SLC9A3: variants seen among roughly 807,000 people sequenced by gnomAD.
SLC9A3 encodes the protein solute carrier family 9 member A3.
Under a neutral mutation model 86.8 loss-of-function variants are expected in SLC9A3, and 37 were observed. The observed-to-expected ratio is 0.43, with a 90% CI of 0.33 to 0.56. The LOEUF (loss-of-function observed/expected upper bound fraction) is 0.56. Ranked by LOEUF, SLC9A3 falls within the 20% of genes least tolerant of loss-of-function variation. SLC9A3 has a pLI of 0.06. For synonymous variants in SLC9A3, 581 were observed against 528.3 expected, an observed-to-expected ratio of 1.10 and a Z score of -1.37; for missense variants, 1,011 against 1,171.9, an observed-to-expected ratio of 0.86 and a Z score of 2.00.
At chr5:523,990 A>C in intron 1 of SLC9A3, 122 bp downstream of exon 1, 3 of 515,250 alleles carry the variant, frequency 5.8e-6, no homozygotes, top group Admixed American at 4.4e-5. Context: ...CGAGAGCCGG[A>C]CTCTCCCGGG....
chr5:472,874 T>C lies in SLC9A3; in HGVS notation c.*505A>G. ...GAACCTTGGGCTGGTTTCACGCAAA[T>C]CCGTTTGGGGCGAGCCTCGGTTTCC... On this transcript the variant is annotated 3_prime_UTR_variant, in exon 17 of 17. Transcript: ENST00000264938. 1 of 510,392 alleles carries C rather than the reference T, an allele frequency of 2.0e-6. No individual in the cohort carries two copies. Among genetic ancestry groups the C allele is most frequent in the Non-Finnish European group, 3.7e-6 (1 of 271,674 alleles). The allele number at this position is 510,392 out of a possible 1,614,324, so 31.6% of individuals were successfully genotyped here.
At chr5:492,860 T>C (rs10475269) in intron 1 of SLC9A3, among the ~76,000 whole-genome samples, 98,190 of 152,072 alleles carry the variant, frequency 0.65, 33,401 homozygotes, top group Non-Finnish European at 0.77. Context: ...TGTGGCCCCC[T>C]CTCCTCGTGC....
intron 10 of SLC9A3, 72 bp from the exon 11 acceptor site, chr5:477,516 G>T: frequency 8.5e-7 from 1 of 1,177,344 alleles, no homozygotes; most frequent in Non-Finnish European, 1.2e-6. Flanking sequence ...TGTGCCCTGG[G>T]GGGAAGCGCC....
Position 473,189 on chromosome 5 carries a change from C to A in SLC9A3, c.*190G>T, listed in dbSNP as rs1414310532. On this transcript the variant is annotated 3_prime_UTR_variant, in exon 17 of 17. Coordinates refer to ENST00000264938, the MANE Select transcript of SLC9A3 (RefSeq NM_004174.4). ...GCCCCGCCCCCGGCTCGCCCTCGGG[C>A]GGCTCTGCGGGCGCAGGCGCGGCAC... 2.3e-5 allele frequency: 13 copies of A among 556,688 alleles called. No individual in the cohort carries two copies. Among genetic ancestry groups the A allele is most frequent in the Non-Finnish European group, 3.4e-5 (13 of 380,480 alleles). 34.5% of individuals were successfully genotyped at this position (556,688 alleles called of 1,614,324 possible).
Position 482,245 on chromosome 5 carries a change from C to T in SLC9A3, c.1357-88G>A, listed in dbSNP as rs1739237303. ...AGGTGCACCACACAGAGCCACCTGC[C>T]CCGGGGCCCACAGGCGCCCTCCCTG... On this transcript the variant is annotated intron_variant, in intron 7 of 16. Coordinates refer to ENST00000264938, the MANE Select transcript of SLC9A3 (RefSeq NM_004174.4). 12 of 1,048,152 alleles carry T rather than the reference C, an allele frequency of 1.1e-5. No homozygotes were observed. In the South Asian group the frequency reaches 1.4e-4, roughly 12 times the overall value. 64.9% of individuals were successfully genotyped at this position (1,048,152 alleles called of 1,614,324 possible).
intron 6 of SLC9A3, 109 bp from the exon 7 acceptor site, chr5:482,859 A>G (rs1739279399): frequency 1.3e-5 from 11 of 839,736 alleles, no homozygotes; most frequent in Non-Finnish European, 2.0e-5. Flanking sequence ...GACGAAGAAC[A>G]GCGGCACCCT....
intron 1 of SLC9A3, among the ~76,000 whole-genome samples, chr5:504,598 C>T (rs988863709): frequency 6.6e-6 from 1 of 151,378 alleles, no homozygotes; most frequent in African/African-American, 2.5e-5. Flanking sequence ...CCTCCTGTCA[C>T]CCCCGGGTGA....
chr5:482,236 G>GCCACC, intron 7 of SLC9A3, 79 bp from the exon 8 acceptor site: 1 of 1,128,364 alleles, frequency 8.9e-7, no homozygotes, highest in Non-Finnish European at 1.3e-6. Context: ...ACCACACAGA[G>GCCACC]CCACCTGCCC....
At chr5:511,616 C>T (rs1579822016) in intron 1 of SLC9A3, among the ~76,000 whole-genome samples, 2 of 152,218 alleles carry the variant, frequency 1.3e-5, no homozygotes, top group Admixed American at 6.5e-5. Flanking sequence ...TCAGCGTGGC[C>T]GAAACCCAGG....
At position 473,162 on chromosome 5, in the gene SLC9A3, A is replaced by AGGCCCCGCCCCCGGCGCT; in HGVS notation, c.*216_*217insAGCGCCGGGGGCGGGGCC. On this transcript the variant is annotated 3_prime_UTR_variant, in exon 17 of 17. Transcript: ENST00000264938. ...GGCGCTCCGGCCCCGCCCCCGGCGCAGGCCCCGCCCCCGGCTCGCCCTCGG... is the reference window on the plus strand; with the variant it reads ...GGCGCTCCGGCCCCGCCCCCGGCGCAGGCCCCGCCCCCGGCGCTGGCCCCGCCCCCGGCTCGCCCTCGG... 19 of 407,724 alleles carry AGGCCCCGCCCCCGGCGCT rather than the reference A, an allele frequency of 4.7e-5. No homozygotes were observed. The highest frequency in any genetic ancestry group is 6.7e-5 in the Non-Finnish European group (17 of 255,266). 25.3% of individuals were successfully genotyped at this position (407,724 alleles called of 1,614,324 possible). A position where few individuals can be genotyped will look rare whatever the true frequency, so the allele number is the denominator to read the frequency against.
At chr5:501,696 A>G (rs962147917) in intron 1 of SLC9A3, among the ~76,000 whole-genome samples, 1 of 152,056 alleles carries the variant, frequency 6.6e-6, no homozygotes, top group South Asian at 2.1e-4. Context: ...TCGCCAGCAC[A>G]CTCTGACCTC....
At chr5:510,835 C>A (rs1474786141) in intron 1 of SLC9A3, among the ~76,000 whole-genome samples, 1 of 152,226 alleles carries the variant, frequency 6.6e-6, no homozygotes, top group East Asian at 1.9e-4. Context: ...GATGCACCAG[C>A]AGCACACGCA....
chr5:487,075 GCACTGACACCCACCA>G (rs1739516639), intron 3 of SLC9A3, among the ~76,000 whole-genome samples: 1 of 102 alleles, frequency 9.8e-3, no homozygotes, highest in African/African-American at 0.038. Flanking sequence ...GACACCCACC[GCACTGACACCCACCA>G]CACTGACACC....
intron 11 of SLC9A3, 146 bp from the exon 12 acceptor site, chr5:476,818 G>A (rs552650572): frequency 3.3e-5 from 32 of 966,756 alleles, no homozygotes; most frequent in East Asian, 2.6e-4. Flanking sequence ...GCTGGGGCAC[G>A]GGGACATCTG....
At chr5:510,331 A>T (rs1740821526) in intron 1 of SLC9A3, among the ~76,000 whole-genome samples, 1 of 152,126 alleles carries the variant, frequency 6.6e-6, no homozygotes, top group South Asian at 2.1e-4. Flanking sequence ...AAAGGCCAGA[A>T]CCCGTGGGAC....
intron 1 of SLC9A3, among the ~76,000 whole-genome samples, chr5:493,680 G>A (rs775336527): frequency 2.0e-5 from 3 of 152,246 alleles, no homozygotes; most frequent in Admixed American, 6.5e-5. Context: ...CCAGGACAGC[G>A]GCTCTGCCTG....
rs373713317 is a variant in SLC9A3 at position 473,279 on chromosome 5, C to G, written c.*100G>C. ...GGCTCGGGGCTCGCGGTCGCTGTAG[C>G]CGCGCGGGGATCTGGGGTTTCTCTG... is the stretch of plus-strand genomic sequence containing the variant. On this transcript the variant is annotated 3_prime_UTR_variant, in exon 17 of 17. Coordinates refer to ENST00000264938, the MANE Select transcript of SLC9A3 (RefSeq NM_004174.4). 8 of 1,238,540 alleles carry G rather than the reference C, an allele frequency of 6.5e-6. No individual in the cohort carries two copies. The highest frequency in any genetic ancestry group is 4.0e-5 in the Admixed American group (1 of 24,948). 76.7% of individuals were successfully genotyped at this position (1,238,540 alleles called of 1,614,324 possible).
At chr5:483,239 G>C (rs1270348032) in intron 6 of SLC9A3, 23 bp downstream of exon 6, 1 of 1,521,032 alleles carries the variant, frequency 6.6e-7, no homozygotes. Context: ...TGGTCCCACG[G>C]CCGCAACCCG....
rs995820230 is a variant in SLC9A3 at position 522,139 on chromosome 5, A to G, written c.211+1973T>C. Among the ~76,000 whole-genome samples, 6 of 152,186 alleles carry G rather than the reference A, an allele frequency of 3.9e-5. No individual in the cohort carries two copies. The South Asian group carries it at 1.0e-3, about 26-fold the overall frequency. On this transcript the variant is annotated intron_variant, in intron 1 of 16. Transcript: ENST00000264938. ...GCTCGCCTTCCCAGGTGGAGCCAAC[A>G]ATCCGAGACAAAGACAGCCGCTGAG...
Sources: allele counts gnomAD v4.1 joint callset (sites outside exome capture counted in the v4.1 genomes callset), GRCh38; gene constraint gnomAD v4.1.1; transcripts MANE v1.5; gene names NCBI Gene and HGNC (gene_info 2026-07-23, HGNC 2026-07-21).